The following NR2F1-AS1 variants were observed in gnomAD, a reference collection of about 807,000 sequenced individuals.
NR2F1-AS1 encodes the protein NR2F1 antisense RNA 1.
At chr5:93,502,430 T>C (rs1017470961) in intron 4 of NR2F1-AS1, among the ~76,000 whole-genome samples, 2 of 152,124 alleles carry the variant, frequency 1.3e-5, no homozygotes, top group African/African-American at 4.8e-5. Context: ...TACAAGAGTA[T>C]ATGCAGACAG....
intron 1 of NR2F1-AS1, chr5:93,570,539 C>G (rs1168133030): frequency 6.6e-6 from 1 of 152,264 alleles, no homozygotes; most frequent in East Asian, 1.9e-4. Context: ...TGTGCCGACC[C>G]GAGGGGGCGC....
chr5:93,484,096 C>T (rs572519772), intron 4 of NR2F1-AS1, among the ~76,000 whole-genome samples: 1 of 152,192 alleles, frequency 6.6e-6, no homozygotes, highest in East Asian at 1.9e-4. Flanking sequence ...AGGAAATACA[C>T]AGAACATCAC....
At chr5:93,582,726 C>A (rs1490564454), upstream of NR2F1-AS1, among the ~76,000 whole-genome samples, 1 of 152,194 alleles carries the variant, frequency 6.6e-6, no homozygotes, top group Middle Eastern at 3.2e-3. Flanking sequence ...CATCGCTAGG[C>A]GTTCTCCCCC....
intron 4 of NR2F1-AS1, among the ~76,000 whole-genome samples, chr5:93,505,069 T>C (rs1345185799): frequency 6.6e-6 from 1 of 152,110 alleles, no homozygotes; most frequent in Non-Finnish European, 1.5e-5. Context: ...CTAAATACAA[T>C]GGGGGTACAG....
chr5:93,525,085 C>T (rs538537545), intron 4 of NR2F1-AS1, among the ~76,000 whole-genome samples: 2 of 152,178 alleles, frequency 1.3e-5, no homozygotes, highest in African/African-American at 4.8e-5. Context: ...AGAGTCAAGA[C>T]CCATTGGTGT....
intron 4 of NR2F1-AS1, among the ~76,000 whole-genome samples, chr5:93,545,884 G>A (rs1752073187): frequency 6.6e-6 from 1 of 152,280 alleles, no homozygotes; most frequent in Admixed American, 6.5e-5. Flanking sequence ...GAGATCATAG[G>A]AAATTTCATC....
At chr5:93,577,978 T>C (rs1435162217) in intron 1 of NR2F1-AS1, among the ~76,000 whole-genome samples, 1 of 152,188 alleles carries the variant, frequency 6.6e-6, no homozygotes, top group Non-Finnish European at 1.5e-5. Context: ...AGAAAATGTT[T>C]TTACAAGGCC....
chr5:93,458,096 T>C (rs1749992557), intron 4 of NR2F1-AS1, among the ~76,000 whole-genome samples: 1 of 152,174 alleles, frequency 6.6e-6, no homozygotes, highest in Admixed American at 6.5e-5. Context: ...CCTGTGGGCA[T>C]TTCTCATCAG....
At chr5:93,511,470 A>C (rs1363960169) in intron 4 of NR2F1-AS1, among the ~76,000 whole-genome samples, 2 of 152,202 alleles carry the variant, frequency 1.3e-5, no homozygotes, top group Non-Finnish European at 2.9e-5. Context: ...CTCAGAATAA[A>C]TGTTCCTTAC....
intron 4 of NR2F1-AS1, among the ~76,000 whole-genome samples, chr5:93,506,587 A>T (rs1015505416): frequency 6.6e-6 from 1 of 152,194 alleles, no homozygotes; most frequent in African/African-American, 2.4e-5. Context: ...CATTTCTTAC[A>T]TGGCAGCAGC....
At chr5:93,446,090 T>C (rs1290080539) in intron 4 of NR2F1-AS1, among the ~76,000 whole-genome samples, 2 of 152,056 alleles carry the variant, frequency 1.3e-5, no homozygotes, top group East Asian at 1.9e-4. Context: ...CCACAGCCAA[T>C]ATCATACTGA....
chr5:93,433,604 T>A (rs572669346), intron 4 of NR2F1-AS1, among the ~76,000 whole-genome samples: 3 of 152,294 alleles, frequency 2.0e-5, no homozygotes, highest in South Asian at 2.1e-4. Context: ...CCTATGACAT[T>A]ATGTAGCACA....
chr5:93,454,539 C>T (rs1038159802), intron 4 of NR2F1-AS1, among the ~76,000 whole-genome samples: 1 of 152,120 alleles, frequency 6.6e-6, no homozygotes. Flanking sequence ...CACAGACCTC[C>T]TAAAACCTTT....
intron 1 of NR2F1-AS1, among the ~76,000 whole-genome samples, chr5:93,575,370 C>T (rs1280951957): frequency 6.6e-6 from 1 of 152,228 alleles, no homozygotes; most frequent in Non-Finnish European, 1.5e-5. Context: ...GACATTTTAA[C>T]CAGCATGTGA....
At chr5:93,505,096 G>C (rs1386837553) in intron 4 of NR2F1-AS1, among the ~76,000 whole-genome samples, 2 of 152,172 alleles carry the variant, frequency 1.3e-5, no homozygotes, top group Non-Finnish European at 2.9e-5. Flanking sequence ...GGTAAATACA[G>C]CTGTTCCAAA....
At chr5:93,530,832 T>C (rs1406357767) in intron 4 of NR2F1-AS1, among the ~76,000 whole-genome samples, 1 of 152,180 alleles carries the variant, frequency 6.6e-6, no homozygotes, top group Non-Finnish European at 1.5e-5. Context: ...CTTCATTTAC[T>C]ATATAAGAAA....
At chr5:93,488,662 A>G (rs917881268) in intron 4 of NR2F1-AS1, among the ~76,000 whole-genome samples, 5 of 152,256 alleles carry the variant, frequency 3.3e-5, no homozygotes, top group Non-Finnish European at 7.3e-5. Context: ...AGTGTGAATT[A>G]GTTCAACCAT....
At chr5:93,504,634 C>T (rs956114727) in intron 4 of NR2F1-AS1, among the ~76,000 whole-genome samples, 113 of 151,604 alleles carry the variant, frequency 7.5e-4, no homozygotes, top group African/African-American at 2.6e-3. Flanking sequence ...CGGTGGGAGG[C>T]AAAAGGCACT....
chr5:93,457,612 G>T (rs1348511739), intron 4 of NR2F1-AS1, among the ~76,000 whole-genome samples: 2 of 151,830 alleles, frequency 1.3e-5, no homozygotes, highest in Non-Finnish European at 2.9e-5. Flanking sequence ...AACCACCATT[G>T]TCATCATGGC....
Sources: allele counts gnomAD v4.1 joint callset (sites outside exome capture counted in the v4.1 genomes callset), GRCh38; gene constraint gnomAD v4.1.1; transcripts MANE v1.5; gene names NCBI Gene and HGNC (gene_info 2026-07-23, HGNC 2026-07-21).